The following PCDHGA4 variants were observed in gnomAD, a reference collection of about 807,000 sequenced individuals.
The protein encoded by PCDHGA4 is protocadherin gamma subfamily A, 4, also known as protocadherin gamma-A4.
PCDHGA4 carries 38 observed loss-of-function variants against 54.6 expected under a neutral mutation model. The observed-to-expected ratio is 0.70, with a 90% CI of 0.54 to 0.91. PCDHGA4 has a LOEUF of 0.91. Among genes scored for constraint, PCDHGA4 ranks in the 40% least tolerant of loss-of-function variants. The pLI is 0.00. For missense variants in PCDHGA4, 1,298 were observed against 1,220.9 expected, an observed-to-expected ratio of 1.06 and a Z score of -0.94; for synonymous variants, 511 against 512.9, an observed-to-expected ratio of 1.00 and a Z score of 0.05.
intron 1 of PCDHGA4, chr5:141,376,190 G>T: frequency 6.2e-7 from 1 of 1,614,116 alleles, no homozygotes; most frequent in African/African-American, 1.3e-5. Flanking sequence ...GGTCTCCTGC[G>T]TCTTCCTGGC....
At chr5:141,417,892 C>T (rs550343206) in intron 1 of PCDHGA4, 13 of 1,570,660 alleles carry the variant, frequency 8.3e-6, no homozygotes, top group African/African-American at 5.4e-5. Flanking sequence ...GGCGCCGGGC[C>T]GGCCCGCGGC....
At chr5:141,410,849 C>CTTTTTCT (rs2095432763) in intron 1 of PCDHGA4, 1 of 129,786 alleles carries the variant, frequency 7.7e-6, no homozygotes, top group Non-Finnish European at 1.3e-5. Flanking sequence ...TTGTCTTTGT[C>CTTTTTCT]TTTTTTTTTT....
At chr5:141,413,501 G>A (rs772110374) in intron 1 of PCDHGA4, 1 of 1,614,040 alleles carries the variant, frequency 6.2e-7, no homozygotes, top group Non-Finnish European at 8.5e-7. Context: ...TGCGTGGTGA[G>A]TTTTAATATC....
chr5:141,404,415 T>C, intron 1 of PCDHGA4: 1 of 1,613,844 alleles, frequency 6.2e-7, no homozygotes, highest in Non-Finnish European at 8.5e-7. Context: ...TCTAGAGTTA[T>C]TTACTCCTTG....
At chr5:141,388,971 CAT>C (rs1456846164) in intron 1 of PCDHGA4, 3 of 1,613,890 alleles carry the variant, frequency 1.9e-6, no homozygotes, top group Non-Finnish European at 2.5e-6. Context: ...GCTGGGAACA[CAT>C]ATTGCTTTGC....
intron 1 of PCDHGA4, chr5:141,413,189 G>T: frequency 1.2e-6 from 2 of 1,606,972 alleles, no homozygotes; most frequent in Middle Eastern, 1.7e-4. Flanking sequence ...GCCGCTCAAA[G>T]GAATCGCTCA....
intron 1 of PCDHGA4, chr5:141,430,735 A>T (rs1255723102): frequency 6.7e-7 from 1 of 1,497,964 alleles, no homozygotes; most frequent in Non-Finnish European, 8.9e-7. Context: ...GGCAGAATTG[A>T]AAATAATTCT....
chr5:141,362,148 A>G, intron 1 of PCDHGA4: 2 of 1,613,980 alleles, frequency 1.2e-6, no homozygotes, highest in Non-Finnish European at 1.7e-6. Flanking sequence ...TGCAAGAGGT[A>G]TTGCCAGACC....
intron 1 of PCDHGA4, chr5:141,415,563 T>G: frequency 1.2e-6 from 2 of 1,614,168 alleles, no homozygotes; most frequent in Non-Finnish European, 1.7e-6. Flanking sequence ...ATCCTTTGTC[T>G]TTGTTAGATG....
At chr5:141,419,789 G>A (rs758649709) in intron 1 of PCDHGA4, 2 of 1,614,068 alleles carry the variant, frequency 1.2e-6, no homozygotes, top group South Asian at 2.2e-5. Context: ...GCGCCTGCTA[G>A]TCGCTGTAAG....
chr5:141,409,818 C>T (rs1027344375), intron 1 of PCDHGA4: 2 of 1,610,918 alleles, frequency 1.2e-6, no homozygotes, highest in Non-Finnish European at 1.7e-6. Context: ...GACCACGGCT[C>T]GCCCACGCTC....
intron 1 of PCDHGA4, chr5:141,399,104 A>G (rs561995889): frequency 6.2e-7 from 1 of 1,613,860 alleles, no homozygotes; most frequent in South Asian, 1.1e-5. Context: ...CTGGTTGCAC[A>G]ATGTACAGTT....
chr5:141,408,918 C>G, intron 1 of PCDHGA4: 1 of 1,613,408 alleles, frequency 6.2e-7, no homozygotes, highest in Non-Finnish European at 8.5e-7. Flanking sequence ...AATGATAACC[C>G]CCCGGTTTTC....
chr5:141,439,629 A>G (rs1262264623), intron 1 of PCDHGA4, among the ~76,000 whole-genome samples: 1 of 152,208 alleles, frequency 6.6e-6, no homozygotes, highest in East Asian at 1.9e-4. Flanking sequence ...CAATCCCCAG[A>G]CATTCCGGCT....
At chr5:141,393,147 G>A in intron 1 of PCDHGA4, 2 of 1,613,298 alleles carry the variant, frequency 1.2e-6, no homozygotes, top group Non-Finnish European at 1.7e-6. Flanking sequence ...CCTGGTTGAG[G>A]ATAAAGGAAA....
chr5:141,394,521 G>A (rs761808641), intron 1 of PCDHGA4: 5 of 1,614,212 alleles, frequency 3.1e-6, no homozygotes, highest in Non-Finnish European at 4.2e-6. Flanking sequence ...CCTCCCCACA[G>A]ACGGTTCCAC....
chr5:141,375,452 T>C (rs772369254), intron 1 of PCDHGA4: 2 of 1,613,876 alleles, frequency 1.2e-6, no homozygotes, highest in Non-Finnish European at 1.7e-6. Context: ...CCATTCATCC[T>C]ACTCAGTCTA....
intron 1 of PCDHGA4, among the ~76,000 whole-genome samples, chr5:141,405,996 G>A (rs2094743914): frequency 6.6e-6 from 1 of 151,746 alleles, no homozygotes; most frequent in Non-Finnish European, 1.5e-5. Flanking sequence ...GTAGCTCTCA[G>A]CCTGCATTGA....
chr5:141,404,945 G>A (rs753544983), intron 1 of PCDHGA4: 6 of 1,613,952 alleles, frequency 3.7e-6, no homozygotes, highest in Non-Finnish European at 5.1e-6. Flanking sequence ...AGTAGCCATA[G>A]CTGACAGCAT....
Sources: gnomAD v4.1 joint callset for allele counts (sites outside exome capture counted in the v4.1 genomes callset) on GRCh38, gnomAD v4.1.1 for gene constraint, MANE v1.5 for transcripts, NCBI Gene and HGNC (gene_info 2026-07-23, HGNC 2026-07-21) for gene names.